The following ARHGEF10L variants were observed in gnomAD, a reference collection of about 807,000 sequenced individuals.
ARHGEF10L encodes the protein Rho guanine nucleotide exchange factor 10 like, also known as rho guanine nucleotide exchange factor 10-like protein.
A neutral mutation model predicts 141.2 loss-of-function variants in ARHGEF10L; 69 were observed. The observed-to-expected ratio is 0.49, with a 90% CI of 0.40 to 0.60. The LOEUF (loss-of-function observed/expected upper bound fraction) is 0.60. Among genes scored for constraint, ARHGEF10L ranks in the 20% least tolerant of loss-of-function variants. The pLI is 0.00. For synonymous variants in ARHGEF10L, 711 were observed against 718.5 expected, an observed-to-expected ratio of 0.99 and a Z score of 0.17; for missense variants, 1,482 against 1,734.3, an observed-to-expected ratio of 0.85 and a Z score of 2.58.
Position 17,603,373 on chromosome 1 carries a change from T to A in ARHGEF10L, c.350-135T>A, listed in dbSNP as rs570457776. 2.2e-5 allele frequency: 13 copies of A among 598,176 alleles called. No homozygotes were observed. The East Asian group carries it at 4.3e-4, about 20-fold the overall frequency. The allele number at this position is 598,176 out of a possible 1,614,324, so 37.1% of individuals were successfully genotyped here. On this transcript the variant is annotated intron_variant, in intron 5 of 28. Coordinates refer to ENST00000361221, the MANE Select transcript of ARHGEF10L (RefSeq NM_018125.4). This position sits in a 1 kb window ranked among gnomAD's most constrained non-coding sequence, Gnocchi z 4.8. ...ATCCCCTGAGGGCAGCTGGCGGAGC[T>A]AAGGGCTGGGCTGGGCTATCAGAAA...
At chr1:17,532,434 T>G in the ARHGEF10L span, among the ~76,000 whole-genome samples, 1 of 152,252 alleles carries the variant, frequency 6.6e-6, no homozygotes, top group East Asian at 1.9e-4. Context: ...CTGTTATCCC[T>G]AGAGGAGGCT....
Position 17,613,093 on chromosome 1 carries a change from C to T in ARHGEF10L, c.645C>T (p.Tyr215=), listed in dbSNP as rs144519109. 104 of 1,613,894 alleles carry T rather than the reference C, an allele frequency of 6.4e-5. No individual in the cohort carries two copies. The highest frequency in any genetic ancestry group is 2.0e-4 in the Admixed American group (12 of 59,976). ...SPDLTRLKER[Y]ARTKRDILAL... is the part of the protein sequence containing the mutation. ...ACCTGACTAGGCTAAAGGAGAGATACGCCAGGACTAAGAGAGACATCTTGG... is the reference window on the plus strand; with the variant it reads ...ACCTGACTAGGCTAAAGGAGAGATATGCCAGGACTAAGAGAGACATCTTGG... The change falls in exon 8 of 29, where the codon TAC becomes TAT. Residue 215 remains tyrosine (Y), a synonymous_variant. Transcript: ENST00000361221.
intron 15 of ARHGEF10L, among the ~76,000 whole-genome samples, chr1:17,630,770 G>A (rs1038284209): frequency 6.6e-6 from 1 of 152,252 alleles, no homozygotes; most frequent in Non-Finnish European, 1.5e-5. Context: ...GCCATCCTCA[G>A]TGCCTGGCAC....
chr1:17,632,922 G>A (rs2060784840), intron 16 of ARHGEF10L, among the ~76,000 whole-genome samples: 1 of 152,244 alleles, frequency 6.6e-6, no homozygotes, highest in Non-Finnish European at 1.5e-5. Flanking sequence ...CTGGTTTGCT[G>A]GTTCTGGGCC....
intron 1 of ARHGEF10L, among the ~76,000 whole-genome samples, chr1:17,572,565 C>T (rs1570542585): frequency 6.6e-6 from 1 of 152,170 alleles, no homozygotes; most frequent in East Asian, 1.9e-4. Context: ...GTGGTGGAGC[C>T]AGGATCAGAA....
chr1:17,622,947 G>C (rs753972624), intron 11 of ARHGEF10L, 49 bp from the exon 12 acceptor site: 2 of 1,572,018 alleles, frequency 1.3e-6, no homozygotes, highest in South Asian at 1.2e-5. Context: ...GGCAGGTAGG[G>C]AGAGAGGCTG....
chr1:17,557,096 A>G (rs559634302), intron 1 of ARHGEF10L, among the ~76,000 whole-genome samples: 157 of 151,704 alleles, frequency 1.0e-3, no homozygotes, highest in African/African-American at 3.6e-3. Flanking sequence ...TAATCCCAGC[A>G]CTTTGGGACA....
chr1:17,591,137 A>T (rs1348698116), intron 4 of ARHGEF10L, among the ~76,000 whole-genome samples: 1 of 152,208 alleles, frequency 6.6e-6, no homozygotes, highest in Non-Finnish European at 1.5e-5. Flanking sequence ...GGAAGCGCAG[A>T]GTGGTTGTGT....
Position 17,621,644 on chromosome 1 carries a change from G to A in ARHGEF10L, c.943-220G>A, listed in dbSNP as rs373570766. ...ATGTGCACAGAGGGGCTTTCCCTGG[G>A]ATGTGCCCTTCCTCCTCCATTCTGT... On this transcript the variant is annotated intron_variant, in intron 10 of 28. Coordinates refer to ENST00000361221, the MANE Select transcript of ARHGEF10L (RefSeq NM_018125.4). The surrounding 1 kb of genome is among the most constrained non-coding windows in gnomAD (Gnocchi z 4.1). Among the ~76,000 whole-genome samples, 1 of 152,206 alleles carries A rather than the reference G, an allele frequency of 6.6e-6. No homozygotes were observed. The highest frequency in any genetic ancestry group is 2.4e-5 in the African/African-American group (1 of 41,452).
chr1:17,542,966 T>C (rs950589942), intron 1 of ARHGEF10L, among the ~76,000 whole-genome samples: 2 of 152,132 alleles, frequency 1.3e-5, no homozygotes, highest in Non-Finnish European at 2.9e-5. Flanking sequence ...CCTCAAGGGG[T>C]CTAAAGTCCA....
intron 1 of ARHGEF10L, among the ~76,000 whole-genome samples, chr1:17,563,801 C>A (rs1050325713): frequency 6.6e-6 from 1 of 152,140 alleles, no homozygotes; most frequent in African/African-American, 2.4e-5. Flanking sequence ...TGCACAGACC[C>A]ACCCATCTAT....
At chr1:17,695,345 G>A in intron 28 of ARHGEF10L, 65 bp downstream of exon 28, 3 of 1,526,128 alleles carry the variant, frequency 2.0e-6, no homozygotes, top group Non-Finnish European at 2.6e-6. Flanking sequence ...AGTGGGGCTT[G>A]GCGGGGAGGG....
intron 1 of ARHGEF10L, among the ~76,000 whole-genome samples, chr1:17,542,636 G>C (rs563424104): frequency 1.3e-5 from 2 of 152,192 alleles, no homozygotes; most frequent in Non-Finnish European, 2.9e-5. Context: ...AAAAGATAAA[G>C]TAAATGATAT....
chr1:17,551,946 A>G (rs2077127393), intron 1 of ARHGEF10L, among the ~76,000 whole-genome samples: 1 of 152,136 alleles, frequency 6.6e-6, no homozygotes, highest in African/African-American at 2.4e-5. Flanking sequence ...GGCTTTAAAC[A>G]TTGCCTTTTT....
Position 17,632,168 on chromosome 1 carries a change from C to T in ARHGEF10L, c.1585-153C>T, listed in dbSNP as rs886538417. ...CCTCTGGTCTTCCTCCCCAGTGCAT[C>T]TTGTCACCCAGGGATGGAGGGAGTG... is the stretch of plus-strand genomic sequence containing the variant. On this transcript the variant is annotated intron_variant, in intron 15 of 28. Coordinates refer to ENST00000361221, the MANE Select transcript of ARHGEF10L (RefSeq NM_018125.4). Among the ~76,000 whole-genome samples, 8 of 152,350 alleles carry T rather than the reference C, an allele frequency of 5.3e-5. No individual in the cohort carries two copies. In the East Asian group the frequency reaches 1.5e-3, roughly 29 times the overall value.
At chr1:17,614,580 A>G (rs1172997669) in intron 8 of ARHGEF10L, among the ~76,000 whole-genome samples, 2 of 152,082 alleles carry the variant, frequency 1.3e-5, no homozygotes, top group African/African-American at 4.8e-5. Flanking sequence ...GAGGTTTCAG[A>G]TCTCTGAGGG....
chr1:17,611,841 TTCTG>T (rs1349364497), intron 7 of ARHGEF10L, among the ~76,000 whole-genome samples: 1 of 152,234 alleles, frequency 6.6e-6, no homozygotes, highest in Non-Finnish European at 1.5e-5. Context: ...CTCTTGATCC[TTCTG>T]TCTACTTCTC....
intron 1 of ARHGEF10L, among the ~76,000 whole-genome samples, chr1:17,547,784 GA>G (rs2076968755): frequency 6.6e-6 from 1 of 152,168 alleles, no homozygotes; most frequent in Admixed American, 6.5e-5. Flanking sequence ...GAAGAAAATG[GA>G]AATCATTTTG....
At chr1:17,548,822 T>C (rs2077010105) in intron 1 of ARHGEF10L, among the ~76,000 whole-genome samples, 1 of 150,372 alleles carries the variant, frequency 6.7e-6, no homozygotes, top group African/African-American at 2.5e-5. Context: ...CTAATTTTTG[T>C]ATTTTTAGTA....
Sources: gnomAD v4.1 joint callset for allele counts (sites outside exome capture counted in the v4.1 genomes callset) on GRCh38, gnomAD v4.1.1 for gene constraint, Gnocchi (gnomAD v3.1) non-coding constraint, MANE v1.5 for transcripts, NCBI Gene and HGNC (gene_info 2026-07-23, HGNC 2026-07-21) for gene names.